The following LYN variants were observed in gnomAD, a reference collection of about 807,000 sequenced individuals.
LYN encodes LYN proto-oncogene, Src family tyrosine kinase.
A neutral mutation model predicts 65.0 loss-of-function variants in LYN; 12 were observed. That is an observed-to-expected ratio of 0.18 (90% CI 0.12 to 0.30). The LOEUF is 0.30. Among genes scored for constraint, LYN ranks in the 10% least tolerant of loss-of-function variants. The probability of loss-of-function intolerance (pLI) is 1.00; values close to 1 mark genes in which losing one functional copy is unlikely to be tolerated. For missense variants in LYN, 380 were observed against 623.2 expected (o/e 0.61, Z 4.16); for synonymous variants, 222 against 221.2 (o/e 1.00, Z -0.03).
chr8:55,964,632 C>T (rs1008755617), intron 8 of LYN, among the ~76,000 whole-genome samples: 1 of 152,098 alleles, frequency 6.6e-6, no homozygotes, highest in African/African-American at 2.4e-5. Flanking sequence ...TTTGGAAGAC[C>T]AAGGTGAGCA....
At chr8:55,977,975 C>T (rs899249576) in intron 10 of LYN, among the ~76,000 whole-genome samples, 1 of 152,098 alleles carries the variant, frequency 6.6e-6, no homozygotes, top group Non-Finnish European at 1.5e-5. Context: ...CACTCTGAAA[C>T]GGACAGGACT....
intron 1 of LYN, among the ~76,000 whole-genome samples, chr8:55,909,015 ACACACACACACACACACACACAC>A (rs1805516324): frequency 5.3e-5 from 1 of 18,936 alleles, no homozygotes; most frequent in Non-Finnish European, 9.9e-5. Context: ...ATATATACAC[ACACACACACACACACACACACAC>A]ACACACACAC....
chr8:55,984,100 C>G (rs1808006661), intron 10 of LYN, among the ~76,000 whole-genome samples: 1 of 152,154 alleles, frequency 6.6e-6, no homozygotes, highest in African/African-American at 2.4e-5. Flanking sequence ...CCTCTGCCTT[C>G]TCTCATAAAG....
intron 1 of LYN, among the ~76,000 whole-genome samples, chr8:55,901,907 G>T (rs1438052525): frequency 3.3e-5 from 5 of 152,152 alleles, no homozygotes; most frequent in Admixed American, 2.6e-4. Context: ...TACCACCTCA[G>T]GGCAGCAATG....
At chr8:55,882,390 A>C (rs2130342900) in intron 1 of LYN, among the ~76,000 whole-genome samples, 1 of 152,358 alleles carries the variant, frequency 6.6e-6, no homozygotes, top group East Asian at 1.9e-4. Flanking sequence ...ATCACCAAAA[A>C]CATCTGAGAT....
intron 1 of LYN, among the ~76,000 whole-genome samples, chr8:55,913,206 AT>A (rs2130415372): frequency 6.6e-6 from 1 of 152,296 alleles, no homozygotes; most frequent in East Asian, 1.9e-4. Flanking sequence ...TAGCAAAAAG[AT>A]TTTACCAAAT....
rs560788010 is a variant in LYN at position 55,931,875 on chromosome 8, G to A, written c.-5-9980G>A. Reference sequence around the variant, plus strand: ...ATTATTTTTATTTAAAAAACTTTATGCATTTTTAATGTGCTTTTGCTAGTT... The same window carrying A: ...ATTATTTTTATTTAAAAAACTTTATACATTTTTAATGTGCTTTTGCTAGTT... On this transcript the variant is annotated intron_variant, in intron 1 of 12. Coordinates refer to ENST00000519728, the MANE Select transcript of LYN (RefSeq NM_002350.4). Among the ~76,000 whole-genome samples, 15 of 152,210 alleles carry A rather than the reference G, an allele frequency of 9.9e-5. No homozygotes were observed. In the South Asian group the frequency reaches 3.1e-3, roughly 32 times the overall value.
At chr8:55,947,951 AAGAC>A (rs1287127633) in intron 4 of LYN, among the ~76,000 whole-genome samples, 4 of 151,980 alleles carry the variant, frequency 2.6e-5, no homozygotes, top group South Asian at 4.2e-4. Context: ...TTTCCCTTTG[AAGAC>A]AGACAGTGGT....
In LYN at chr8:55,941,963, A is replaced by T; in HGVS notation, c.104A>T (p.Asp35Val). The T allele has an allele frequency of 6.2e-7, 1 of 1,613,732 alleles. No homozygotes were observed. ...ACTGAAAGAACTATTTATGTGAGAG[A>T]TCCAACGTCCAATAAACAGCAAAGG... ...RNTERTIYVR[D>V]PTSNKQQRPV... Residue 35 changes from aspartate to valine, a missense_variant, in exon 2 of 13, where the codon GAT becomes GTT. Transcript: ENST00000519728.
intron 8 of LYN, among the ~76,000 whole-genome samples, chr8:55,965,888 G>A (rs1807441245): frequency 6.6e-6 from 1 of 152,170 alleles, no homozygotes; most frequent in South Asian, 2.1e-4. Flanking sequence ...ACTTTGGGAG[G>A]CTGAGGCTGG....
intron 2 of LYN, among the ~76,000 whole-genome samples, chr8:55,946,224 G>T (rs191487244): frequency 6.6e-6 from 1 of 152,268 alleles, no homozygotes; most frequent in East Asian, 1.9e-4. Context: ...CCAGAACCTC[G>T]CTCCCTTCCT....
At chr8:55,906,488 C>A (rs142299350) in intron 1 of LYN, among the ~76,000 whole-genome samples, 3 of 152,072 alleles carry the variant, frequency 2.0e-5, no homozygotes, top group African/African-American at 7.2e-5. Flanking sequence ...TCCCAAGTAG[C>A]TGGGATTACA....
At chr8:55,941,811 T>A (rs773348954) in intron 1 of LYN, 44 bp from the exon 2 acceptor site, 1 of 1,546,144 alleles carries the variant, frequency 6.5e-7, no homozygotes, top group African/African-American at 1.4e-5. Flanking sequence ...CTTGAAGCAG[T>A]TCTGGAATGG....
chr8:55,945,703 G>A (rs941916789), intron 2 of LYN, among the ~76,000 whole-genome samples: 3 of 152,166 alleles, frequency 2.0e-5, no homozygotes, highest in African/African-American at 4.8e-5. Context: ...GTGGTCTTCT[G>A]TGCCACCAAA....
At chr8:55,944,258 A>G (rs1806710756) in intron 2 of LYN, among the ~76,000 whole-genome samples, 1 of 152,116 alleles carries the variant, frequency 6.6e-6, no homozygotes, top group Admixed American at 6.5e-5. Flanking sequence ...AAATTTAAAA[A>G]CCTATTACAG....
intron 10 of LYN, among the ~76,000 whole-genome samples, chr8:55,972,762 G>T (rs1354782455): frequency 6.6e-6 from 1 of 152,168 alleles, no homozygotes; most frequent in African/African-American, 2.4e-5. Context: ...GATCCCTGGG[G>T]CCCAGATACT....
At chr8:55,946,881 C>G (rs1398211611) in intron 3 of LYN, among the ~76,000 whole-genome samples, 2 of 152,182 alleles carry the variant, frequency 1.3e-5, no homozygotes, top group Non-Finnish European at 2.9e-5. Flanking sequence ...AGCCTGATGT[C>G]CTCAAGGTTC....
chr8:55,886,249 T>C (rs1804788697), intron 1 of LYN, among the ~76,000 whole-genome samples: 1 of 151,110 alleles, frequency 6.6e-6, no homozygotes, highest in African/African-American at 2.4e-5. Flanking sequence ...ATCTTTTTTT[T>C]TTTTTTTTTG....
intron 9 of LYN, among the ~76,000 whole-genome samples, chr8:55,969,495 T>G (rs1317087622): frequency 6.6e-6 from 1 of 152,206 alleles, no homozygotes; most frequent in Non-Finnish European, 1.5e-5. Context: ...ACATTCTTTC[T>G]CACCTGGAGC....
Sources: allele counts gnomAD v4.1 joint callset (sites outside exome capture counted in the v4.1 genomes callset), GRCh38; gene constraint gnomAD v4.1.1; transcripts MANE v1.5; gene names NCBI Gene and HGNC (gene_info 2026-07-23, HGNC 2026-07-21).